Variants in CYRIA observed in about 807,000 individuals in gnomAD.
CYRIA encodes the protein CYFIP related Rac1 interactor A.
Under a neutral mutation model 43.9 loss-of-function variants are expected in CYRIA, and 15 were observed. That is an observed-to-expected ratio of 0.34 (90% CI 0.23 to 0.53). The LOEUF (loss-of-function observed/expected upper bound fraction) is 0.53, where lower values mean the gene tolerates loss of function less well. CYRIA is among the 20% of genes least tolerant of loss of function. The probability of loss-of-function intolerance (pLI) is 0.94; values close to 1 mark genes in which losing one functional copy is unlikely to be tolerated. For missense variants in CYRIA, 236 were observed against 394.2 expected (o/e 0.60, Z 3.40); for synonymous variants, 117 against 136.0 (o/e 0.86, Z 0.97).
intron 1 of CYRIA, among the ~76,000 whole-genome samples, chr2:16,629,636 G>A (rs1023527274): frequency 2.6e-5 from 4 of 152,198 alleles, no homozygotes; most frequent in Admixed American, 6.5e-5. Flanking sequence ...AGGGCTCTTG[G>A]AGGCACTGAC....
intron 2 of CYRIA, among the ~76,000 whole-genome samples, chr2:16,614,850 C>T (rs1308550722): frequency 6.6e-6 from 1 of 152,220 alleles, no homozygotes; most frequent in Non-Finnish European, 1.5e-5. Context: ...GGATGCCAAG[C>T]TCTTTGCTGG....
intron 1 of CYRIA, among the ~76,000 whole-genome samples, chr2:16,652,790 A>G (rs1670009999): frequency 6.6e-6 from 1 of 152,092 alleles, no homozygotes; most frequent in Non-Finnish European, 1.5e-5. Context: ...ATTCTGAAGA[A>G]GCCCTCTTCC....
intron 2 of CYRIA, among the ~76,000 whole-genome samples, chr2:16,612,612 C>T (rs1412488514): frequency 6.6e-6 from 1 of 152,162 alleles, no homozygotes; most frequent in Non-Finnish European, 1.5e-5. Context: ...ATGTGATGGC[C>T]AGAGACTTAC....
chr2:16,598,309 TA>T (rs1668082670), intron 2 of CYRIA, among the ~76,000 whole-genome samples: 1 of 82,060 alleles, frequency 1.2e-5, no homozygotes, highest in Non-Finnish European at 2.2e-5. Context: ...TTCTCCTGGA[TA>T]ATATCCTGCA....
intron 1 of CYRIA, among the ~76,000 whole-genome samples, chr2:16,657,296 C>T (rs1024923): frequency 0.37 from 56,796 of 151,976 alleles, 14,439 homozygotes; most frequent in African/African-American, 0.73. Context: ...CTCACATGGG[C>T]AAAATGATGA....
At chr2:16,556,888 C>T (rs1229697798) in intron 10 of CYRIA, among the ~76,000 whole-genome samples, 2 of 152,024 alleles carry the variant, frequency 1.3e-5, no homozygotes, top group African/African-American at 2.4e-5. Flanking sequence ...CAATTTTAGC[C>T]TCTGGCTTAG....
intron 2 of CYRIA, among the ~76,000 whole-genome samples, chr2:16,620,900 C>T (rs1218835251): frequency 6.6e-6 from 1 of 152,168 alleles, no homozygotes; most frequent in African/African-American, 2.4e-5. Flanking sequence ...TTGGTTCCTG[C>T]CTGGCTACAT....
intron 1 of CYRIA, among the ~76,000 whole-genome samples, chr2:16,643,396 G>A (rs1309575074): frequency 6.6e-6 from 1 of 152,144 alleles, no homozygotes; most frequent in Non-Finnish European, 1.5e-5. Context: ...TTCAAGATGG[G>A]ACAGTGTTGC....
intron 1 of CYRIA, among the ~76,000 whole-genome samples, chr2:16,638,910 C>T (rs1669590468): frequency 6.6e-6 from 1 of 151,914 alleles, no homozygotes; most frequent in Admixed American, 6.6e-5. Context: ...CATGATGTGC[C>T]CTCCATATCT....
At chr2:16,616,389 T>C (rs1438900004) in intron 2 of CYRIA, among the ~76,000 whole-genome samples, 1 of 152,184 alleles carries the variant, frequency 6.6e-6, no homozygotes, top group Admixed American at 6.5e-5. Flanking sequence ...CATCCTTCCC[T>C]ACGTCACCCT....
chr2:16,581,404 C>T (rs1667544993), intron 3 of CYRIA, among the ~76,000 whole-genome samples: 1 of 152,116 alleles, frequency 6.6e-6, no homozygotes, highest in Admixed American at 6.5e-5. Flanking sequence ...GGATGCTACC[C>T]CACCACTGCT....
intron 2 of CYRIA, among the ~76,000 whole-genome samples, chr2:16,605,842 G>A (rs1239212657): frequency 6.6e-6 from 1 of 152,156 alleles, no homozygotes; most frequent in Non-Finnish European, 1.5e-5. Flanking sequence ...TGAGAGCAGA[G>A]CTGTAGGTGA....
chr2:16,615,848 C>G (rs1481845168), intron 2 of CYRIA, among the ~76,000 whole-genome samples: 1 of 152,250 alleles, frequency 6.6e-6, no homozygotes, highest in Non-Finnish European at 1.5e-5. Context: ...ATACCAGCAG[C>G]TCTACCACTG....
intron 1 of CYRIA, among the ~76,000 whole-genome samples, chr2:16,629,551 C>T (rs1039937065): frequency 2.0e-5 from 3 of 152,184 alleles, no homozygotes; most frequent in Non-Finnish European, 4.4e-5. Flanking sequence ...CATGGAGCAT[C>T]ATAGGACCTC....
At chr2:16,593,670 ATTTAAC>A (rs1179244637) in intron 2 of CYRIA, among the ~76,000 whole-genome samples, 8 of 146,314 alleles carry the variant, frequency 5.5e-5, no homozygotes, top group Non-Finnish European at 1.2e-4. Context: ...ATCATCAAAG[ATTTAAC>A]TTTATTTTTT....
At chr2:16,580,918 C>T (rs1037453750) in intron 3 of CYRIA, among the ~76,000 whole-genome samples, 1 of 152,078 alleles carries the variant, frequency 6.6e-6, no homozygotes, top group Non-Finnish European at 1.5e-5. Context: ...AAATAATAAA[C>T]CTAATACCTT....
chr2:16,564,212 A>C (rs758453125), intron 4 of CYRIA, 118 bp from the exon 5 acceptor site: 16 of 676,628 alleles, frequency 2.4e-5, no homozygotes, highest in Non-Finnish European at 3.6e-5. Flanking sequence ...TATACTACTT[A>C]AATCAACACC....
intron 1 of CYRIA, among the ~76,000 whole-genome samples, chr2:16,655,218 A>T (rs576322489): frequency 1.0e-3 from 158 of 152,348 alleles, no homozygotes; most frequent in African/African-American, 3.7e-3. Flanking sequence ...CAGTAATTGC[A>T]GGCCAGAGCT....
intron 3 of CYRIA, among the ~76,000 whole-genome samples, chr2:16,587,049 T>C (rs1402884215): frequency 3.3e-5 from 5 of 152,162 alleles, no homozygotes; most frequent in African/African-American, 1.2e-4. Context: ...GTCATGATTC[T>C]TAAGCCATTT....
Sources: allele counts gnomAD v4.1 joint callset (sites outside exome capture counted in the v4.1 genomes callset), GRCh38; gene constraint gnomAD v4.1.1; transcripts MANE v1.5; gene names NCBI Gene and HGNC (gene_info 2026-07-23, HGNC 2026-07-21).